KCNQ5: variants seen among roughly 807,000 people sequenced by gnomAD.
KCNQ5 encodes the protein potassium voltage-gated channel subfamily Q member 5.
Under a neutral mutation model 98.2 loss-of-function variants are expected in KCNQ5, and 30 were observed. That is an observed-to-expected ratio of 0.31 (90% confidence interval 0.23 to 0.41). The LOEUF is 0.41. KCNQ5 is among the 10% of genes least tolerant of loss of function. The pLI, the probability that KCNQ5 is intolerant of heterozygous loss-of-function variation, is 1.00. For missense variants in KCNQ5, 835 were observed against 1,182.5 expected (o/e 0.71, Z 4.31); for synonymous variants, 458 against 449.4 (o/e 1.02, Z -0.24).
chr6:72,949,866 T>A (rs1225178712), intron 1 of KCNQ5, among the ~76,000 whole-genome samples: 3 of 152,214 alleles, frequency 2.0e-5, no homozygotes, highest in African/African-American at 7.2e-5. Flanking sequence ...TTTTTTTAAA[T>A]GGTTATCAAT....
chr6:73,083,239 C>G (rs1482118226), intron 5 of KCNQ5, among the ~76,000 whole-genome samples: 1 of 152,054 alleles, frequency 6.6e-6, no homozygotes, highest in Non-Finnish European at 1.5e-5. Flanking sequence ...ATTATAATGG[C>G]ATGGTTTAAT....
chr6:72,710,256 T>C (rs1259023184), intron 1 of KCNQ5, among the ~76,000 whole-genome samples: 1 of 152,212 alleles, frequency 6.6e-6, no homozygotes, highest in Non-Finnish European at 1.5e-5. Flanking sequence ...ATACAAAATT[T>C]ATTTAACTCT....
chr6:73,050,062 A>G (rs181537734), intron 3 of KCNQ5, among the ~76,000 whole-genome samples: 389 of 152,088 alleles, frequency 2.6e-3, no homozygotes, highest in Non-Finnish European at 4.8e-3. Flanking sequence ...AACAAAAAAA[A>G]CTGTAATAGC....
chr6:72,970,760 A>AT (rs1767850856), intron 1 of KCNQ5, among the ~76,000 whole-genome samples: 1 of 152,250 alleles, frequency 6.6e-6, no homozygotes, highest in Non-Finnish European at 1.5e-5. Context: ...AGGATTCCCT[A>AT]TTTAACAGAT....
intron 3 of KCNQ5, among the ~76,000 whole-genome samples, chr6:73,062,525 C>A (rs1239004683): frequency 6.6e-6 from 1 of 152,120 alleles, no homozygotes; most frequent in African/African-American, 2.4e-5. Flanking sequence ...GCCCCCATCA[C>A]AACCCCTACA....
intron 7 of KCNQ5, 97 bp from the exon 8 acceptor site, chr6:73,120,386 T>G (rs1225514593): frequency 7.3e-6 from 6 of 821,196 alleles, no homozygotes; most frequent in East Asian, 5.6e-5. Flanking sequence ...AGGCAAAAGA[T>G]TCTTCATGTG....
intron 10 of KCNQ5, among the ~76,000 whole-genome samples, chr6:73,150,485 A>G (rs1012447192): frequency 1.4e-5 from 2 of 141,148 alleles, no homozygotes; most frequent in Non-Finnish European, 3.0e-5. Flanking sequence ...ATATTATTAT[A>G]TTACATATAA....
intron 1 of KCNQ5, among the ~76,000 whole-genome samples, chr6:72,653,186 C>G (rs1765962023): frequency 6.6e-6 from 1 of 151,716 alleles, no homozygotes; most frequent in African/African-American, 2.4e-5. Context: ...TGTCTTGAAG[C>G]CTTTGTGATG....
chr6:73,044,963 CT>C (rs1276899910), intron 3 of KCNQ5, among the ~76,000 whole-genome samples: 10 of 152,180 alleles, frequency 6.6e-5, no homozygotes, highest in Admixed American at 5.2e-4. Flanking sequence ...TGCCTTCAAC[CT>C]GGGAAATGCT....
At chr6:72,839,111 ATGGCC>A (rs1776669610) in intron 1 of KCNQ5, among the ~76,000 whole-genome samples, 1 of 152,066 alleles carries the variant, frequency 6.6e-6, no homozygotes, top group Non-Finnish European at 1.5e-5. Context: ...TAACTATTTT[ATGGCC>A]TTTCGAGAGC....
At chr6:72,999,131 G>C (rs1769446487) in intron 1 of KCNQ5, among the ~76,000 whole-genome samples, 1 of 152,126 alleles carries the variant, frequency 6.6e-6, no homozygotes, top group African/African-American at 2.4e-5. Context: ...ATCTGTGCTT[G>C]ATGCACTAGT....
intron 1 of KCNQ5, among the ~76,000 whole-genome samples, chr6:72,956,544 CTTTTATTTTTTTTATTT>C (rs1767071504): frequency 2.3e-5 from 1 of 42,990 alleles, no homozygotes; most frequent in Non-Finnish European, 5.1e-5. Context: ...TTCTTTCTTT[CTTTTATTTTTTTTATTT>C]TTTTATTTTT....
intron 5 of KCNQ5, among the ~76,000 whole-genome samples, chr6:73,101,755 C>CA (rs1207173244): frequency 1.3e-5 from 2 of 151,674 alleles, no homozygotes; most frequent in African/African-American, 2.4e-5. Context: ...AAAGAGGATA[C>CA]AAAAAAAGGA....
At position 72,885,063 on chromosome 6, in the gene KCNQ5, A is replaced by T. The variant is rs140664300; in HGVS notation, c.399-118845A>T. ...ATATTAATAATGGCAAATTCATAGG[A>T]TAGTTATGAAGATTAATATGAGACA... On this transcript the variant is annotated intron_variant, in intron 1 of 13. Coordinates refer to ENST00000370398, the MANE Select transcript of KCNQ5 (RefSeq NM_019842.4). Among the ~76,000 whole-genome samples, 895 of 152,316 alleles carry T rather than the reference A, an allele frequency of 5.9e-3. 8 individuals are homozygous for T. Among genetic ancestry groups the T allele is most frequent in the African/African-American group, 0.019 (785 of 41,570 alleles).
intron 1 of KCNQ5, among the ~76,000 whole-genome samples, chr6:72,825,153 C>CAAA (rs570034045): frequency 1.3e-5 from 2 of 151,412 alleles, no homozygotes; most frequent in Non-Finnish European, 2.9e-5. Context: ...ACAACAACAA[C>CAAA]AAAAAAACGA....
rs569559799 is a variant in KCNQ5 at position 72,987,431 on chromosome 6, G to A, written c.399-16477G>A. The A allele has an allele frequency of 1.3e-5, 9 of 689,126 alleles. No individual in the cohort carries two copies. The African/African-American group carries it at 1.6e-4, about 12-fold the overall frequency. The allele number at this position is 689,126 out of a possible 1,614,324, so 42.7% of individuals were successfully genotyped here. The stretch of plus-strand genomic sequence containing the variant: ...AGTGGACGGGAACCTAGTTTGGCCA[G>A]TGGGATACTGCTGGTTTTGACAACG... On this transcript the variant is annotated intron_variant, in intron 1 of 13. Transcript: ENST00000370398.
intron 1 of KCNQ5, among the ~76,000 whole-genome samples, chr6:72,804,073 G>C (rs4707994): frequency 0.63 from 96,220 of 151,802 alleles, 30,795 homozygotes; most frequent in African/African-American, 0.73. Context: ...ACTTTTTAAT[G>C]TTAAATTTTT....
At chr6:72,785,371 A>G (rs1773683748) in intron 1 of KCNQ5, among the ~76,000 whole-genome samples, 1 of 152,070 alleles carries the variant, frequency 6.6e-6, no homozygotes, top group African/African-American at 2.4e-5. Context: ...AGCAGGGGTC[A>G]GGCACAGTGG....
intron 9 of KCNQ5, among the ~76,000 whole-genome samples, chr6:73,131,161 T>A (rs533310218): frequency 4.6e-5 from 7 of 152,302 alleles, no homozygotes; most frequent in Non-Finnish European, 8.8e-5. Context: ...TTTATAGGTA[T>A]GATTTTTAAA....
Sources: allele counts gnomAD v4.1 joint callset (sites outside exome capture counted in the v4.1 genomes callset), GRCh38; gene constraint gnomAD v4.1.1; transcripts MANE v1.5; gene names NCBI Gene and HGNC (gene_info 2026-07-23, HGNC 2026-07-21).